The following LHFPL3 variants were observed in gnomAD, a reference collection of about 807,000 sequenced individuals.
The protein encoded by LHFPL3 is LHFPL tetraspan subfamily member 3 protein.
Under a neutral mutation model 19.3 loss-of-function variants are expected in LHFPL3, and 5 were observed. The observed-to-expected ratio is 0.26, with a 90% CI of 0.14 to 0.54. The LOEUF (loss-of-function observed/expected upper bound fraction) is 0.54, where lower values mean the gene tolerates loss of function less well. Ranked by LOEUF, LHFPL3 falls within the 20% of genes least tolerant of loss-of-function variation. LHFPL3 has a pLI of 0.94. For synonymous variants in LHFPL3, 133 were observed against 126.2 expected (o/e 1.05, Z -0.36); for missense variants, 249 against 307.4 (o/e 0.81, Z 1.42).
chr7:104,337,607 C>T (rs891797044), intron 1 of LHFPL3, among the ~76,000 whole-genome samples: 5 of 151,886 alleles, frequency 3.3e-5, no homozygotes, highest in African/African-American at 9.7e-5. Context: ...TAAAATTTGA[C>T]GAAAAGCATT....
chr7:104,563,008 A>C, intron 1 of LHFPL3, among the ~76,000 whole-genome samples: 1 of 152,222 alleles, frequency 6.6e-6, no homozygotes, highest in South Asian at 2.1e-4. Context: ...GTCAGGGGTC[A>C]GGGACCCACT....
intron 2 of LHFPL3, among the ~76,000 whole-genome samples, chr7:104,844,252 C>T (rs1791270453): frequency 6.6e-6 from 1 of 152,234 alleles, no homozygotes; most frequent in African/African-American, 2.4e-5. Context: ...TGGCACCTTT[C>T]AGCAGTTCTC....
At chr7:104,580,981 T>G (rs1450791429) in intron 1 of LHFPL3, among the ~76,000 whole-genome samples, 1 of 152,088 alleles carries the variant, frequency 6.6e-6, no homozygotes, top group East Asian at 1.9e-4. Flanking sequence ...ATAAAACTGC[T>G]ATGAACATCC....
intron 1 of LHFPL3, among the ~76,000 whole-genome samples, chr7:104,330,692 T>C (rs753995110): frequency 6.6e-6 from 1 of 152,222 alleles, no homozygotes; most frequent in African/African-American, 2.4e-5. Context: ...CATTATCTCC[T>C]GAACGGGGAG....
chr7:104,429,301 C>CTTTTTTTTTTTTTTTTTTTT (rs71823474), intron 1 of LHFPL3, among the ~76,000 whole-genome samples: 1 of 84,532 alleles, frequency 1.2e-5, no homozygotes, highest in Non-Finnish European at 2.1e-5. Context: ...TATGTCATTC[C>CTTTTTTTTTTTTTTTTTTTT]TTTTTTTTTT....
rs993569675 is a variant in LHFPL3, at chr7:104,870,329, T to C, written c.683-35858T>C. 3.9e-5 allele frequency among the ~76,000 whole-genome samples: 6 copies of C among 152,286 alleles called. No individual in the cohort carries two copies. The East Asian group carries it at 7.7e-4, about 20-fold the overall frequency. On this transcript the variant is annotated intron_variant, in intron 2 of 2. Transcript: ENST00000424859. Reference sequence around the variant, plus strand: ...ATGGCTAACCACATGAGATCTGGTATAGCACAGATGAGTTCAAATTCTAGC... The same window carrying C: ...ATGGCTAACCACATGAGATCTGGTACAGCACAGATGAGTTCAAATTCTAGC...
intron 2 of LHFPL3, among the ~76,000 whole-genome samples, chr7:104,861,496 G>T (rs1791618225): frequency 6.6e-6 from 1 of 152,178 alleles, no homozygotes; most frequent in Non-Finnish European, 1.5e-5. Context: ...CTATGGAGAG[G>T]ACTTGGGAGA....
At chr7:104,383,412 T>C (rs1790869145) in intron 1 of LHFPL3, among the ~76,000 whole-genome samples, 1 of 152,192 alleles carries the variant, frequency 6.6e-6, no homozygotes, top group African/African-American at 2.4e-5. Context: ...ACAAGCCACA[T>C]AGTAATTGGT....
At chr7:104,503,322 A>G (rs921094436) in intron 1 of LHFPL3, among the ~76,000 whole-genome samples, 1 of 152,132 alleles carries the variant, frequency 6.6e-6, no homozygotes, top group Admixed American at 6.5e-5. Context: ...GTGTGTGTGT[A>G]TGTGTCTGTA....
At chr7:104,513,607 G>A (rs1793863917) in intron 1 of LHFPL3, among the ~76,000 whole-genome samples, 1 of 152,166 alleles carries the variant, frequency 6.6e-6, no homozygotes, top group Non-Finnish European at 1.5e-5. Context: ...TCAAGCGGAG[G>A]CAATAATTAA....
chr7:104,605,838 T>C, intron 1 of LHFPL3, among the ~76,000 whole-genome samples: 1 of 150,392 alleles, frequency 6.6e-6, no homozygotes, highest in East Asian at 2.0e-4. Flanking sequence ...TTCAAGTCCT[T>C]TTTGAATTTG....
chr7:104,418,256 T>C (rs1253874154), intron 1 of LHFPL3, among the ~76,000 whole-genome samples: 1 of 152,172 alleles, frequency 6.6e-6, no homozygotes, highest in East Asian at 1.9e-4. Context: ...AAATATTTCC[T>C]GAGGGCAAGA....
At chr7:104,702,676 C>G (rs953278994) in intron 1 of LHFPL3, among the ~76,000 whole-genome samples, 9 of 152,226 alleles carry the variant, frequency 5.9e-5, no homozygotes, top group Non-Finnish European at 1.3e-4. Flanking sequence ...GCACTCTTAA[C>G]TAATTGGCAT....
chr7:104,551,001 A>G (rs528610968), intron 1 of LHFPL3, among the ~76,000 whole-genome samples: 1 of 152,128 alleles, frequency 6.6e-6, no homozygotes, highest in Non-Finnish European at 1.5e-5. Flanking sequence ...ACCAGGTTAT[A>G]TTTAGCTCAG....
intron 1 of LHFPL3, among the ~76,000 whole-genome samples, chr7:104,376,801 C>T (rs949803650): frequency 6.6e-6 from 1 of 152,154 alleles, no homozygotes; most frequent in Non-Finnish European, 1.5e-5. Context: ...CAAGTTATGA[C>T]AGTCATTTTA....
intron 2 of LHFPL3, among the ~76,000 whole-genome samples, chr7:104,753,717 T>G (rs760699235): frequency 5.4e-4 from 82 of 151,610 alleles, no homozygotes; most frequent in Non-Finnish European, 1.1e-3. Context: ...AAAAAAAAGC[T>G]CAATTACAAA....
At chr7:104,380,802 G>T (rs1055381430) in intron 1 of LHFPL3, among the ~76,000 whole-genome samples, 14 of 151,976 alleles carry the variant, frequency 9.2e-5, no homozygotes, top group African/African-American at 3.1e-4. Context: ...ATACAATACT[G>T]AAAATTTACT....
intron 1 of LHFPL3, among the ~76,000 whole-genome samples, chr7:104,563,913 TAG>T (rs1234120429): frequency 6.6e-6 from 1 of 152,228 alleles, no homozygotes; most frequent in Non-Finnish European, 1.5e-5. Context: ...CATTAAATAA[TAG>T]CTTAATATTA....
intron 1 of LHFPL3, among the ~76,000 whole-genome samples, chr7:104,430,388 A>ATATATATATACATG (rs1791945003): frequency 4.0e-5 from 2 of 50,056 alleles, no homozygotes; most frequent in African/African-American, 2.1e-4. Context: ...ATATACATAT[A>ATATATATATACATG]TATATATATA....
Sources: allele counts gnomAD v4.1 joint callset (sites outside exome capture counted in the v4.1 genomes callset), GRCh38; gene constraint gnomAD v4.1.1; transcripts MANE v1.5; gene names NCBI Gene and HGNC (gene_info 2026-07-23, HGNC 2026-07-21).